MAPK8: variants seen among roughly 807,000 people sequenced by gnomAD.
MAPK8 encodes the protein mitogen-activated protein kinase 8, also known as JUN N-terminal kinase.
MAPK8 carries 13 observed loss-of-function variants against 52.9 expected under a neutral mutation model. The ratio of observed to expected loss-of-function variants is 0.25; its 90% confidence interval spans 0.16 to 0.39. The LOEUF is 0.39. Among genes scored for constraint, MAPK8 ranks in the 10% least tolerant of loss-of-function variants. The pLI is 1.00. For missense variants in MAPK8, 300 were observed against 519.2 expected, an observed-to-expected ratio of 0.58 and a Z score of 4.10; for synonymous variants, 191 against 169.8, an observed-to-expected ratio of 1.12 and a Z score of -0.97.
At chr10:48,313,634 A>G (rs536038229) in intron 1 of MAPK8, among the ~76,000 whole-genome samples, 9 of 152,390 alleles carry the variant, frequency 5.9e-5, no homozygotes, top group South Asian at 4.1e-4. Context: ...GGCTTTGCCA[A>G]TGAAGGATAG....
chr10:48,320,211 CTTTTTTTTTTTTTTTTT>C (rs71026206), intron 1 of MAPK8, among the ~76,000 whole-genome samples: 5 of 35,320 alleles, frequency 1.4e-4, no homozygotes, highest in African/African-American at 2.7e-4. Context: ...ACTGCTCGGC[CTTTTTTTTTTTTTTTTT>C]TTTTTTTTTT....
chr10:48,404,817 A>G (rs1444770276), intron 2 of MAPK8, 35 bp from the exon 3 acceptor site: 1 of 1,559,706 alleles, frequency 6.4e-7, no homozygotes, highest in Non-Finnish European at 8.7e-7. Flanking sequence ...TTTTGCTTGA[A>G]GTTTTTTTGT....
Position 48,420,458 on chromosome 10 carries a change from G to C in MAPK8, c.616+138G>C, listed in dbSNP as rs867643716. The stretch of plus-strand genomic sequence containing the variant: ...TGTTTGAAATGTGTATCAAAAGTTT[G>C]CAGGTAACTATAAATTTTTTCATCA... On this transcript the variant is annotated intron_variant, in intron 6 of 11. Transcript: ENST00000374189. 25 of 829,416 alleles carry C rather than the reference G, an allele frequency of 3.0e-5. No homozygotes were observed. In the Middle Eastern group the frequency reaches 6.2e-3, roughly 207 times the overall value. The allele number at this position is 829,416 out of a possible 1,614,324, so 51.4% of individuals were successfully genotyped here. A position where few individuals can be genotyped will look rare whatever the true frequency, so the allele number is the denominator to read the frequency against.
rs1589271761 is a variant in MAPK8, at chr10:48,426,781, C to T, written c.996+277C>T. The T allele has an allele frequency of 1.2e-5, 6 of 483,510 alleles. No individual in the cohort carries two copies. In the South Asian group the frequency reaches 1.6e-4, roughly 13 times the overall value. 30.0% of individuals were successfully genotyped at this position (483,510 alleles called of 1,614,324 possible). A position where few individuals can be genotyped will look rare whatever the true frequency, so the allele number is the denominator to read the frequency against. Reference sequence around the variant, plus strand: ...AATGCTCTGGGGGAACATCCTAACTCAGGTATAAAACAAATTACTGTATCC... The same window carrying T: ...AATGCTCTGGGGGAACATCCTAACTTAGGTATAAAACAAATTACTGTATCC... On this transcript the variant is annotated intron_variant, in intron 9 of 11. Coordinates refer to ENST00000374189, the MANE Select transcript of MAPK8 (RefSeq NM_001323329.2).
chr10:48,308,590 C>T (rs1407530126), intron 1 of MAPK8, among the ~76,000 whole-genome samples: 2 of 151,970 alleles, frequency 1.3e-5, no homozygotes, highest in African/African-American at 4.8e-5. Context: ...TTATGTGTGT[C>T]CGTGTGTGTG....
intron 1 of MAPK8, among the ~76,000 whole-genome samples, chr10:48,371,538 T>C (rs909256821): frequency 2.6e-5 from 4 of 152,088 alleles, no homozygotes; most frequent in Admixed American, 2.6e-4. Context: ...TCTGAGGATA[T>C]GGGGGTTGGT....
chr10:48,355,746 C>T (rs1358950885), intron 1 of MAPK8, among the ~76,000 whole-genome samples: 2 of 152,150 alleles, frequency 1.3e-5, no homozygotes, highest in East Asian at 3.9e-4. Flanking sequence ...ATCTTGTGAA[C>T]AACACTAAAC....
At position 48,434,931 on chromosome 10, in the gene MAPK8, G is replaced by A; in HGVS notation, c.1186G>A (p.Val396Ile). 26 of 1,613,334 alleles carry A rather than the reference G, an allele frequency of 1.6e-5. No individual in the cohort carries two copies. Among genetic ancestry groups the A allele is most frequent in the Non-Finnish European group, 2.2e-5 (26 of 1,179,754 alleles). The change falls in exon 12 of 12, where the codon GTC (valine) becomes ATC (isoleucine). Residue 396 changes from valine (V) to isoleucine (I), a missense_variant. This residue lies in a region of MAPK8 where 119 missense variants were observed against 154.4 expected (regional missense o/e 0.77). Coordinates refer to ENST00000374189, the MANE Select transcript of MAPK8 (RefSeq NM_001323329.2). The stretch of plus-strand genomic sequence containing the variant: ...TCAGCATCCATCATCATCGTCGTCT[G>A]TCAATGATGTGTCTTCAATGTCAAC... The part of the protein sequence containing the change: ...GSQHPSSSSS[V>I]NDVSSMSTDP...
chr10:48,398,513 T>C (rs1303447041), intron 1 of MAPK8, among the ~76,000 whole-genome samples: 1 of 152,180 alleles, frequency 6.6e-6, no homozygotes, highest in Non-Finnish European at 1.5e-5. Flanking sequence ...AAAAATGATA[T>C]GGCCTCTTTG....
At position 48,436,458 on chromosome 10, in the gene MAPK8, AC is replaced by A. The variant is rs2044858646; in HGVS notation, c.*1432del. On this transcript the variant is annotated 3_prime_UTR_variant, in exon 12 of 12. Coordinates refer to ENST00000374189, the MANE Select transcript of MAPK8 (RefSeq NM_001323329.2). ...TTCTGAAATACGTTGTCTGTAATAG[AC>A]CCAGGCACCTTTTAAATTATCTCTG... 6.6e-6 allele frequency: 1 copy of A among 152,142 alleles called. No individual in the cohort carries two copies. Among genetic ancestry groups the A allele is most frequent in the Non-Finnish European group, 1.5e-5 (1 of 68,032 alleles). The allele number at this position is 152,142 out of a possible 1,614,324, so 9.4% of individuals were successfully genotyped here. A position where few individuals can be genotyped will look rare whatever the true frequency, so the allele number is the denominator to read the frequency against.
intron 1 of MAPK8, among the ~76,000 whole-genome samples, chr10:48,318,072 G>C (rs1444925460): frequency 5.3e-5 from 8 of 151,950 alleles, no homozygotes; most frequent in African/African-American, 1.9e-4. Flanking sequence ...CGGAGTTATA[G>C]GTAGGTAGAC....
chr10:48,399,511 T>C (rs1032415336), intron 1 of MAPK8, among the ~76,000 whole-genome samples: 6 of 152,176 alleles, frequency 3.9e-5, no homozygotes, highest in African/African-American at 1.4e-4. Flanking sequence ...TTCAGACTTC[T>C]TGTCACCGTG....
In MAPK8 at chr10:48,436,362, T is replaced by C. The variant is rs997817512; in HGVS notation, c.*1333T>C. Reference sequence around the variant, plus strand: ...GACAAGTGTATGTTAACTGTTTACATTTTCTATCTGTAGAATTATTTCTCT... The same window carrying C: ...GACAAGTGTATGTTAACTGTTTACACTTTCTATCTGTAGAATTATTTCTCT... On this transcript the variant is annotated 3_prime_UTR_variant, in exon 12 of 12. Transcript: ENST00000374189. 13 of 152,228 alleles carry C rather than the reference T, an allele frequency of 8.5e-5. No individual in the cohort carries two copies. Among genetic ancestry groups the C allele is most frequent in the African/African-American group, 2.7e-4 (11 of 41,466 alleles). The allele number at this position is 152,228 out of a possible 1,614,324, so 9.4% of individuals were successfully genotyped here.
At chr10:48,321,599 G>A (rs1843003877) in intron 1 of MAPK8, among the ~76,000 whole-genome samples, 1 of 152,134 alleles carries the variant, frequency 6.6e-6, no homozygotes, top group South Asian at 2.1e-4. Flanking sequence ...TCAAGGTCAT[G>A]AAGACAACTT....
rs559609213 is a variant in MAPK8, at chr10:48,340,858, A to T, written c.-50+34037A>T. 2.0e-5 allele frequency among the ~76,000 whole-genome samples: 3 copies of T among 152,280 alleles called. 1 individual carries two copies. The South Asian group carries it at 6.2e-4, about 32-fold the overall frequency. ...CTATACTGCCCTACAAATTCTAGTC[A>T]CCTTCACCTCCTTGATCTGTCTCCT... On this transcript the variant is annotated intron_variant, in intron 1 of 11. Transcript: ENST00000374189.
At chr10:48,402,387 A>G (rs745565044) in intron 2 of MAPK8, among the ~76,000 whole-genome samples, 3 of 152,220 alleles carry the variant, frequency 2.0e-5, no homozygotes, top group African/African-American at 2.4e-5. Context: ...TGAAGCGTGG[A>G]ATTTCAGAAA....
intron 11 of MAPK8, among the ~76,000 whole-genome samples, chr10:48,433,210 T>A (rs2133368516): frequency 6.6e-6 from 1 of 152,296 alleles, no homozygotes; most frequent in South Asian, 2.1e-4. Flanking sequence ...TTTTTTCCCC[T>A]TAGGTACTTG....
intron 1 of MAPK8, among the ~76,000 whole-genome samples, chr10:48,309,559 T>G (rs1445371180): frequency 1.3e-5 from 2 of 152,214 alleles, no homozygotes; most frequent in Admixed American, 1.3e-4. Flanking sequence ...GGTTATAATC[T>G]TAACTATTTG....
intron 8 of MAPK8, 100 bp from the exon 9 acceptor site, chr10:48,426,280 T>A (rs2043678657): frequency 9.3e-7 from 1 of 1,077,134 alleles, no homozygotes; most frequent in Non-Finnish European, 1.3e-6. Flanking sequence ...AGTAATATTT[T>A]TAAAACATAT....
Sources: gnomAD v4.1 joint callset for allele counts (sites outside exome capture counted in the v4.1 genomes callset) on GRCh38, gnomAD v4.1.1 for gene constraint, gnomAD v4.1.1 regional missense constraint, MANE v1.5 for transcripts, NCBI Gene and HGNC (gene_info 2026-07-23, HGNC 2026-07-21) for gene names.